The following L3MBTL4 variants were observed in gnomAD, a reference collection of about 807,000 sequenced individuals.
L3MBTL4 encodes lethal(3)malignant brain tumor-like protein 4.
L3MBTL4 carries 70 observed loss-of-function variants against 84.5 expected under a neutral mutation model. The observed-to-expected ratio is 0.83, with a 90% CI of 0.68 to 1.01. The LOEUF is 1.01. Ranked by LOEUF, L3MBTL4 falls within the 50% of genes least tolerant of loss-of-function variation. L3MBTL4 has a pLI of 0.00. For missense variants in L3MBTL4, 715 were observed against 754.8 expected (o/e 0.95, Z 0.62); for synonymous variants, 274 against 259.8 (o/e 1.05, Z -0.52).
At position 6,311,555 on chromosome 18, in the gene L3MBTL4, A is replaced by C. The variant is rs138443778; in HGVS notation, c.71T>G (p.Leu24Trp). ...AGGGTCCAGGGATGGACATCTTACCAAGCGTCCGTCCTGATCCAAACGCTC... is the reference window on the plus strand; with the variant it reads ...AGGGTCCAGGGATGGACATCTTACCCAGCGTCCGTCCTGATCCAAACGCTC... ...SKERLDQDGR[L>W]EQAEEEKKPK... Residue 24 changes from leucine to tryptophan, a missense_variant and splice_region_variant, in exon 3 of 19, where the codon TTG becomes TGG. Transcript: ENST00000317931. The C allele has an allele frequency of 5.0e-5, 81 of 1,612,530 alleles. No individual in the cohort carries two copies. The highest frequency in any genetic ancestry group is 6.4e-5 in the Non-Finnish European group (76 of 1,179,334).
chr18:6,286,513 AT>A (rs985490469), intron 4 of L3MBTL4, among the ~76,000 whole-genome samples: 2 of 151,708 alleles, frequency 1.3e-5, no homozygotes, highest in African/African-American at 4.8e-5. Flanking sequence ...TAATAAAAAA[AT>A]AAAACCTCTA....
chr18:6,294,708 A>G (rs113001701), intron 4 of L3MBTL4, among the ~76,000 whole-genome samples: 2 of 145,666 alleles, frequency 1.4e-5, no homozygotes, highest in African/African-American at 2.6e-5. Flanking sequence ...CTTTTGCTCA[A>G]TCAATCAAAA....
rs563503876 is a variant in L3MBTL4 at position 6,180,526 on chromosome 18, T to C, written c.982-8584A>G. Among the ~76,000 whole-genome samples the C allele has an allele frequency of 2.0e-5, 3 of 152,320 alleles. No homozygotes were observed. The East Asian group carries it at 5.8e-4, about 29-fold the overall frequency. The stretch of plus-strand genomic sequence containing the variant: ...AAACTCATCTGCTTTTCCACAAATA[T>C]AGTTGCTTCCATCTTCCATTTAATC... On this transcript the variant is annotated intron_variant, in intron 12 of 18. Coordinates refer to ENST00000317931, the MANE Select transcript of L3MBTL4 (RefSeq NM_001330559.2).
intron 16 of L3MBTL4, among the ~76,000 whole-genome samples, chr18:6,004,868 T>A (rs890633009): frequency 6.6e-6 from 1 of 152,078 alleles, no homozygotes; most frequent in African/African-American, 2.4e-5. Flanking sequence ...GAATTATTGT[T>A]TAACGGGTGA....
In L3MBTL4 at chr18:6,382,149, C is replaced by T. The variant is rs564899654; in HGVS notation, c.-91+32652G>A. 3.4e-4 allele frequency among the ~76,000 whole-genome samples: 52 copies of T among 152,232 alleles called. No homozygotes were observed. The South Asian group carries it at 0.01, about 30-fold the overall frequency. ...GCTATTGATACTTGTGTATGCTTCA[C>T]GAAGTTCTCGTGCTGTGCTTTTCAG... On this transcript the variant is annotated intron_variant, in intron 1 of 18. Coordinates refer to ENST00000317931, the MANE Select transcript of L3MBTL4 (RefSeq NM_001330559.2).
intron 15 of L3MBTL4, among the ~76,000 whole-genome samples, chr18:6,085,306 A>G (rs1331719979): frequency 6.6e-6 from 1 of 152,248 alleles, no homozygotes. Context: ...GTTGTTAAAA[A>G]TAATGCATTG....
At chr18:6,269,335 T>C (rs1294109039) in intron 4 of L3MBTL4, among the ~76,000 whole-genome samples, 2 of 151,948 alleles carry the variant, frequency 1.3e-5, no homozygotes, top group African/African-American at 4.8e-5. Flanking sequence ...TGGGTGCCTG[T>C]AGTTCCAGCT....
chr18:6,337,207 A>T (rs2143374182), intron 1 of L3MBTL4, among the ~76,000 whole-genome samples: 1 of 152,302 alleles, frequency 6.6e-6, no homozygotes, highest in South Asian at 2.1e-4. Flanking sequence ...GAGAAAACTA[A>T]TGAATCGACC....
chr18:6,135,346 C>T (rs922029822), intron 14 of L3MBTL4, among the ~76,000 whole-genome samples: 1 of 152,164 alleles, frequency 6.6e-6, no homozygotes, highest in Non-Finnish European at 1.5e-5. Flanking sequence ...TCATTAGGCT[C>T]CTTGCTACTT....
At chr18:5,991,759 A>G (rs749871050) in intron 16 of L3MBTL4, among the ~76,000 whole-genome samples, 2 of 152,138 alleles carry the variant, frequency 1.3e-5, no homozygotes, top group African/African-American at 2.4e-5. Context: ...TTTGGGAGAT[A>G]CTTCTGTTCT....
intron 4 of L3MBTL4, among the ~76,000 whole-genome samples, chr18:6,271,840 C>T (rs1245637140): frequency 2.0e-5 from 3 of 152,162 alleles, no homozygotes; most frequent in Admixed American, 6.5e-5. Context: ...GCGTTAAAGG[C>T]TCTGCTCGCC....
chr18:6,110,459 T>C (rs1196243406), intron 14 of L3MBTL4, among the ~76,000 whole-genome samples: 2 of 150,712 alleles, frequency 1.3e-5, no homozygotes, highest in African/African-American at 2.4e-5. Context: ...ATGTGGGGGG[T>C]TGTATGTGTG....
rs1487409046 is a variant in L3MBTL4 at position 6,280,347 on chromosome 18, T to A, written c.128-16309A>T. 3.3e-5 allele frequency among the ~76,000 whole-genome samples: 5 copies of A among 152,168 alleles called. No individual in the cohort carries two copies. The East Asian group carries it at 9.6e-4, about 29-fold the overall frequency. The stretch of plus-strand genomic sequence containing the variant: ...ACAGGGGCATTTTCCCCACTGAGCT[T>A]TTTATGACTCTTTTGGAATGAGAGT... On this transcript the variant is annotated intron_variant, in intron 4 of 18. Coordinates refer to ENST00000317931, the MANE Select transcript of L3MBTL4 (RefSeq NM_001330559.2).
chr18:6,163,089 A>C (rs763495697), intron 13 of L3MBTL4, among the ~76,000 whole-genome samples: 1 of 152,134 alleles, frequency 6.6e-6, no homozygotes, highest in Admixed American at 6.5e-5. Context: ...GACAATCATA[A>C]CACCACTGCA....
At chr18:6,247,645 A>ATTTTTTTTTTTTTTTTTT (rs58646046) in intron 5 of L3MBTL4, among the ~76,000 whole-genome samples, 1 of 127,798 alleles carries the variant, frequency 7.8e-6, no homozygotes. Context: ...TGCCCGGCTA[A>ATTTTTTTTTTTTTTTTTT]TTTTTTTTTT....
At position 6,243,388 on chromosome 18, in the gene L3MBTL4, TAAA is replaced by T. The variant is rs1179878451; in HGVS notation, c.363_365del (p.Tyr121_Leu122delinsTer). ...CATTGGTCCAAAAATCATAGCAACTTAAATAACCATCAAAATGAAGTCTTAGAC... is the reference window on the plus strand; with the variant it reads ...CATTGGTCCAAAAATCATAGCAACTTTAACCATCAAAATGAAGTCTTAGAC... On this transcript the variant is annotated stop_gained and inframe_deletion, in exon 7 of 19. Coordinates refer to ENST00000317931, the MANE Select transcript of L3MBTL4 (RefSeq NM_001330559.2). LOFTEE classifies it high-confidence loss of function. 1.2e-6 allele frequency: 2 copies of T among 1,607,632 alleles called. No homozygotes were observed. Among genetic ancestry groups the T allele is most frequent in the East Asian group, 4.5e-5 (2 of 44,692 alleles).
intron 15 of L3MBTL4, among the ~76,000 whole-genome samples, chr18:6,089,491 G>A (rs921523889): frequency 2.6e-5 from 4 of 152,168 alleles, no homozygotes; most frequent in Non-Finnish European, 5.9e-5. Flanking sequence ...CTAGACATCA[G>A]TAGAAAGTAA....
At chr18:5,991,764 T>C (rs965701388) in intron 16 of L3MBTL4, among the ~76,000 whole-genome samples, 2 of 152,192 alleles carry the variant, frequency 1.3e-5, no homozygotes, top group African/African-American at 4.8e-5. Context: ...GAGATACTTC[T>C]GTTCTGTGGA....
chr18:6,256,099 T>G lies in L3MBTL4; in HGVS notation c.219+7848A>C, dbSNP rs142323262. Among the ~76,000 whole-genome samples the G allele has an allele frequency of 3.3e-5, 5 of 152,336 alleles. No homozygotes were observed. The East Asian group carries it at 9.6e-4, about 29-fold the overall frequency. ...GAAAGCTTCTGGGTATCTCAAAGTT[T>G]CACAAGGAGTTTTAACAAATAGGAA... is the stretch of plus-strand genomic sequence containing the variant. On this transcript the variant is annotated intron_variant, in intron 5 of 18. Coordinates refer to ENST00000317931, the MANE Select transcript of L3MBTL4 (RefSeq NM_001330559.2).
Sources: allele counts gnomAD v4.1 joint callset (sites outside exome capture counted in the v4.1 genomes callset), GRCh38; gene constraint gnomAD v4.1.1; transcripts MANE v1.5; gene names NCBI Gene and HGNC (gene_info 2026-07-23, HGNC 2026-07-21).